The following TOP6BL variants were observed in gnomAD, a reference collection of about 807,000 sequenced individuals.
The protein encoded by TOP6BL is TOP6B like initiator of meiotic double strand breaks.
the TOP6BL span, among the ~76,000 whole-genome samples, chr11:66,814,914 C>G: frequency 6.6e-6 from 1 of 152,146 alleles, no homozygotes; most frequent in African/African-American, 2.4e-5. Context: ...AATAACTGAG[C>G]TAATAAAACT....
At chr11:66,769,706 TTTTA>T in the TOP6BL span, among the ~76,000 whole-genome samples, 26 of 151,598 alleles carry the variant, frequency 1.7e-4, no homozygotes, top group South Asian at 8.3e-4. Context: ...AGATTAGCAG[TTTTA>T]TTTATTTATT....
chr11:66,762,308 G>A, the TOP6BL span: 3 of 422,422 alleles, frequency 7.1e-6, no homozygotes, highest in South Asian at 7.1e-5. Flanking sequence ...CCGGCCAGGA[G>A]CTGCCGGAAA....
chr11:66,759,582 A>AATTT, the TOP6BL span, among the ~76,000 whole-genome samples: 2 of 151,952 alleles, frequency 1.3e-5, no homozygotes, highest in African/African-American at 2.4e-5. Flanking sequence ...TAGTTTTAAG[A>AATTT]ATTTATTTAT....
At chr11:66,805,113 A>G in the TOP6BL span, among the ~76,000 whole-genome samples, 3 of 152,274 alleles carry the variant, frequency 2.0e-5, no homozygotes, top group South Asian at 6.2e-4. Flanking sequence ...GTACGCCTAT[A>G]GTCCCATCTA....
At chr11:66,815,775 C>T in the TOP6BL span, 6 of 287,836 alleles carry the variant, frequency 2.1e-5, no homozygotes, top group Non-Finnish European at 3.2e-5. Flanking sequence ...TACAAGGAAT[C>T]AATGAATTTA....
chr11:66,776,586 G>C, the TOP6BL span, among the ~76,000 whole-genome samples: 2 of 150,962 alleles, frequency 1.3e-5, no homozygotes. Context: ...CCAAGAGTTC[G>C]AGACCAGCCT....
chr11:66,805,525 A>G, the TOP6BL span, among the ~76,000 whole-genome samples: 3 of 151,482 alleles, frequency 2.0e-5, no homozygotes, highest in Non-Finnish European at 2.9e-5. Context: ...GCGGTGACAC[A>G]ATCTCAGCTC....
At chr11:66,751,499 T>C in the TOP6BL span, among the ~76,000 whole-genome samples, 2 of 117,588 alleles carry the variant, frequency 1.7e-5, no homozygotes, top group African/African-American at 6.7e-5. Flanking sequence ...GGCTGACTAA[T>C]TTTTTTTTTT....
chr11:66,805,487 G>T, the TOP6BL span, among the ~76,000 whole-genome samples: 1 of 150,674 alleles, frequency 6.6e-6, no homozygotes, highest in Non-Finnish European at 1.5e-5. Flanking sequence ...TTGGAGACAA[G>T]GTCTGGCTCT....
chr11:66,843,240 G>C, the TOP6BL span: 1 of 1,608,150 alleles, frequency 6.2e-7, no homozygotes. Context: ...CCTGAGCCGG[G>C]TCCCCTTCCG....
At chr11:66,836,769 C>G in the TOP6BL span, among the ~76,000 whole-genome samples, 2 of 140,424 alleles carry the variant, frequency 1.4e-5, no homozygotes, top group Non-Finnish European at 3.0e-5. Flanking sequence ...GGAGCATTCT[C>G]AGCTCACTGC....
At chr11:66,774,275 T>C in the TOP6BL span, among the ~76,000 whole-genome samples, 1 of 152,338 alleles carries the variant, frequency 6.6e-6, no homozygotes, top group South Asian at 2.1e-4. Context: ...TTCTGTCATA[T>C]ACTAAGATTC....
At chr11:66,842,970 A>T in the TOP6BL span, 1 of 1,551,112 alleles carries the variant, frequency 6.4e-7, no homozygotes, top group Non-Finnish European at 8.7e-7. Context: ...GCCGCCCGGA[A>T]GCCACCGCGG....
the TOP6BL span, among the ~76,000 whole-genome samples, chr11:66,814,463 A>G: frequency 3.3e-5 from 5 of 151,962 alleles, no homozygotes; most frequent in Admixed American, 6.6e-5. Flanking sequence ...GAGTTTCCCC[A>G]TGTTGGCCAG....
At chr11:66,833,174 G>C in the TOP6BL span, among the ~76,000 whole-genome samples, 3 of 149,908 alleles carry the variant, frequency 2.0e-5, no homozygotes, top group African/African-American at 7.4e-5. Context: ...TCAGCCTCCC[G>C]AGTAGCTGGG....
the TOP6BL span, among the ~76,000 whole-genome samples, chr11:66,777,355 C>T: frequency 3.3e-5 from 5 of 151,956 alleles, no homozygotes; most frequent in East Asian, 9.7e-4. Flanking sequence ...AGTTTTTGAT[C>T]TTTTGAAAGC....
the TOP6BL span, among the ~76,000 whole-genome samples, chr11:66,763,552 C>T: frequency 6.6e-6 from 1 of 151,900 alleles, no homozygotes; most frequent in African/African-American, 2.4e-5. Flanking sequence ...TCAAGCAGTC[C>T]TCCCACCTCG....
At chr11:66,755,222 G>T in the TOP6BL span, among the ~76,000 whole-genome samples, 2 of 151,860 alleles carry the variant, frequency 1.3e-5, no homozygotes, top group South Asian at 4.2e-4. Context: ...CTGGGTTCAA[G>T]AGGTTCTCCT....
At chr11:66,820,812 C>T in the TOP6BL span, among the ~76,000 whole-genome samples, 1 of 152,140 alleles carries the variant, frequency 6.6e-6, no homozygotes, top group African/African-American at 2.4e-5. Context: ...AACAGGATCC[C>T]TTATTTGTTT....
Sources: gnomAD v4.1 joint callset for allele counts (sites outside exome capture counted in the v4.1 genomes callset) on GRCh38, gnomAD v4.1.1 for gene constraint, MANE v1.5 for transcripts, NCBI Gene and HGNC (gene_info 2026-07-23, HGNC 2026-07-21) for gene names.